The following LRTM3 variants were observed in gnomAD, a reference collection of about 807,000 sequenced individuals.
LRTM3 encodes leucine-rich repeat transmembrane protein 3.
At chr13:102,730,486 T>C in the LRTM3 span, 1 of 1,551,580 alleles carries the variant, frequency 6.4e-7, no homozygotes, top group Non-Finnish European at 8.7e-7. Context: ...TATTTCTTTC[T>C]TGAAACCATA....
chr13:102,747,374 C>A, the LRTM3 span: 1 of 1,550,074 alleles, frequency 6.5e-7, no homozygotes, highest in Non-Finnish European at 8.7e-7. Context: ...GTTTGAAGTA[C>A]CACATATATT....
chr13:102,756,494 G>A, the LRTM3 span, among the ~76,000 whole-genome samples: 1 of 151,020 alleles, frequency 6.6e-6, no homozygotes, highest in Non-Finnish European at 1.5e-5. Context: ...CCAACATGGT[G>A]AAACCGCATC....
the LRTM3 span, chr13:102,748,133 G>C: frequency 6.4e-7 from 1 of 1,550,988 alleles, no homozygotes. Flanking sequence ...ATGTGTTTCT[G>C]TATCAGGTAG....
At chr13:102,731,819 C>G in the LRTM3 span, 2 of 1,549,446 alleles carry the variant, frequency 1.3e-6, no homozygotes, top group Non-Finnish European at 1.7e-6. Flanking sequence ...ACTCTGATCC[C>G]TTTGCTTGGG....
chr13:102,742,387 C>G, the LRTM3 span: 1 of 1,546,430 alleles, frequency 6.5e-7, no homozygotes, highest in East Asian at 2.4e-5. Flanking sequence ...TAGGATAACT[C>G]CAGATAGTTC....
chr13:102,743,788 C>T, the LRTM3 span: 389 of 1,549,512 alleles, frequency 2.5e-4, no homozygotes, highest in Middle Eastern at 5.0e-4. Flanking sequence ...AAATTGACGA[C>T]TTCTTTTCCT....
the LRTM3 span, chr13:102,748,185 A>G: frequency 6.4e-7 from 1 of 1,550,970 alleles, no homozygotes; most frequent in South Asian, 1.2e-5. Flanking sequence ...AATGCATCAG[A>G]CGTTTCTTTA....
At chr13:102,738,187 A>G in the LRTM3 span, 24 of 1,550,480 alleles carry the variant, frequency 1.5e-5, no homozygotes, top group Non-Finnish European at 1.9e-5. Flanking sequence ...TGTCTTCTGG[A>G]TGCATTATGT....
the LRTM3 span, among the ~76,000 whole-genome samples, chr13:102,757,135 A>C: frequency 6.6e-6 from 1 of 152,128 alleles, no homozygotes; most frequent in African/African-American, 2.4e-5. Context: ...TGATTGCACT[A>C]CTGACATGCT....
chr13:102,731,378 A>G, the LRTM3 span: 2 of 1,551,444 alleles, frequency 1.3e-6, no homozygotes, highest in Non-Finnish European at 1.7e-6. Context: ...GAACATTTGT[A>G]AAGATTTCCT....
chr13:102,747,945 A>T, the LRTM3 span: 1 of 1,551,186 alleles, frequency 6.4e-7, no homozygotes, highest in Non-Finnish European at 8.7e-7. Flanking sequence ...GTCAGCTCTG[A>T]ATTTGCCTCT....
the LRTM3 span, among the ~76,000 whole-genome samples, chr13:102,752,363 G>T: frequency 6.6e-6 from 1 of 152,122 alleles, no homozygotes; most frequent in Non-Finnish European, 1.5e-5. Context: ...ATGATTTCCT[G>T]TCTTATTCTT....
At chr13:102,754,686 G>A in the LRTM3 span, among the ~76,000 whole-genome samples, 1 of 152,094 alleles carries the variant, frequency 6.6e-6, no homozygotes, top group Non-Finnish European at 1.5e-5. Flanking sequence ...TTAAACATTA[G>A]GTACGTCTCC....
At chr13:102,739,725 T>C in the LRTM3 span, 1 of 1,549,462 alleles carries the variant, frequency 6.5e-7, no homozygotes, top group South Asian at 1.2e-5. Flanking sequence ...CCCTGTGATA[T>C]GTGTTGTTTT....
chr13:102,734,471 C>G, the LRTM3 span: 7 of 1,551,350 alleles, frequency 4.5e-6, no homozygotes, highest in South Asian at 8.3e-5. Flanking sequence ...TTCCTTTCGT[C>G]CTTGCCCTCC....
At chr13:102,758,633 AT>A in the LRTM3 span, 3 of 1,515,188 alleles carry the variant, frequency 2.0e-6, no homozygotes, top group Non-Finnish European at 2.7e-6. Context: ...AAATTCAAAA[AT>A]TTTACAAATT....
the LRTM3 span, chr13:102,745,923 G>A: frequency 6.4e-7 from 1 of 1,551,152 alleles, no homozygotes; most frequent in Non-Finnish European, 8.7e-7. Flanking sequence ...CTTCCTGGTT[G>A]GTTCAGTTCC....
At chr13:102,751,382 C>T in the LRTM3 span, among the ~76,000 whole-genome samples, 1 of 144,308 alleles carries the variant, frequency 6.9e-6, no homozygotes, top group Non-Finnish European at 1.5e-5. Context: ...CACACACACA[C>T]ACACACATAT....
the LRTM3 span, chr13:102,734,134 G>T: frequency 6.4e-7 from 1 of 1,551,404 alleles, no homozygotes; most frequent in Admixed American, 2.0e-5. Flanking sequence ...TTGCATTAAG[G>T]ATATGTGACA....
Sources: allele counts gnomAD v4.1 joint callset (sites outside exome capture counted in the v4.1 genomes callset), GRCh38; gene constraint gnomAD v4.1.1; transcripts MANE v1.5; gene names NCBI Gene and HGNC (gene_info 2026-07-23, HGNC 2026-07-21).